Variants in KHNYN observed in about 807,000 individuals in gnomAD.
KHNYN encodes the protein protein KHNYN.
In KHNYN, 42 loss-of-function variants were observed where a neutral mutation model predicts 62.7. That is an observed-to-expected ratio of 0.67 (90% CI 0.52 to 0.87). The LOEUF (loss-of-function observed/expected upper bound fraction) is 0.87, where lower values mean the gene tolerates loss of function less well. Ranked by LOEUF, KHNYN falls within the 40% of genes least tolerant of loss-of-function variation. KHNYN has a pLI of 0.00. For synonymous variants in KHNYN, 347 were observed against 345.6 expected (o/e 1.00, Z -0.04); for missense variants, 829 against 874.1 (o/e 0.95, Z 0.65).
intron 5 of KHNYN, among the ~76,000 whole-genome samples, chr14:24,435,026 G>T (rs922449217): frequency 2.0e-5 from 3 of 152,164 alleles, no homozygotes; most frequent in Admixed American, 2.0e-4. Context: ...GGGATGGGTT[G>T]GATCTCTGTT....
In KHNYN at chr14:24,440,838, C is replaced by G. The variant is rs2043314053; in HGVS notation, c.*3553C>G. Reference sequence around the variant, plus strand: ...CTCCAGGAAGCCTGGCTGCAGCTTCCCATTTGGTTACGAGGTTGGAGAAAA... The same window carrying G: ...CTCCAGGAAGCCTGGCTGCAGCTTCGCATTTGGTTACGAGGTTGGAGAAAA... On this transcript the variant is annotated 3_prime_UTR_variant, in exon 8 of 8. Transcript: ENST00000553935. 6.2e-7 allele frequency: 1 copy of G among 1,613,776 alleles called. No individual in the cohort carries two copies. Among genetic ancestry groups the G allele is most frequent in the Admixed American group, 1.7e-5 (1 of 60,012 alleles).
upstream of KHNYN, chr14:24,428,693 C>T (rs906741953): frequency 6.7e-7 from 1 of 1,501,328 alleles, no homozygotes. Context: ...TGGGCTTGGA[C>T]AGTTGCTTCC....
At chr14:24,427,849 C>T (rs2043035141), upstream of KHNYN, 1 of 1,614,092 alleles carries the variant, frequency 6.2e-7, no homozygotes, top group East Asian at 2.2e-5. The surrounding 1 kb of genome is among the most constrained non-coding windows in gnomAD (Gnocchi z 4.4). Context: ...CCAGTAGATT[C>T]CCCCGACGCA....
chr14:24,429,038 G>A (rs965025431), upstream of KHNYN: 9 of 1,512,842 alleles, frequency 5.9e-6, no homozygotes, highest in Admixed American at 1.5e-4. Flanking sequence ...TAGCCAGTGT[G>A]GCTTGGCTCC....
Position 24,440,198 on chromosome 14 carries a change from T to C in KHNYN, c.*2913T>C. 1 of 1,613,990 alleles carries C rather than the reference T, an allele frequency of 6.2e-7. No homozygotes were observed. Among genetic ancestry groups the C allele is most frequent in the South Asian group, 1.1e-5 (1 of 91,082 alleles). ...GCCCTCCAGCAGCATGATGGCACGC[T>C]GTCGCCCAAAGACAGCTTGCACCAC... On this transcript the variant is annotated 3_prime_UTR_variant, in exon 8 of 8. Coordinates refer to ENST00000553935, the MANE Select transcript of KHNYN (RefSeq NM_015299.3).
rs2043309568 is a variant in KHNYN, at chr14:24,440,737, A to G, written c.*3452A>G. ...CCTAATCCCATCACTTCCCCAGCCCAGAGAAGACATTCCAACCCTGTCTGA... is the reference window on the plus strand; with the variant it reads ...CCTAATCCCATCACTTCCCCAGCCCGGAGAAGACATTCCAACCCTGTCTGA... On this transcript the variant is annotated 3_prime_UTR_variant, in exon 8 of 8. Transcript: ENST00000553935. The G allele has an allele frequency of 6.2e-7, 1 of 1,600,556 alleles. No individual in the cohort carries two copies. The highest frequency in any genetic ancestry group is 1.3e-5 in the African/African-American group (1 of 74,478).
At chr14:24,424,847 G>A (rs186394332), upstream of KHNYN, among the ~76,000 whole-genome samples, 25 of 152,328 alleles carry the variant, frequency 1.6e-4, no homozygotes, top group Non-Finnish European at 2.4e-4. Context: ...GTGAAACCCT[G>A]AGCAGAGAAG....
Position 24,437,682 on chromosome 14 carries a change from G to T in KHNYN, c.*397G>T. 1 of 179,734 alleles carries T rather than the reference G, an allele frequency of 5.6e-6. No homozygotes were observed. 11.1% of individuals were successfully genotyped at this position (179,734 alleles called of 1,614,324 possible). On this transcript the variant is annotated 3_prime_UTR_variant, in exon 8 of 8. Coordinates refer to ENST00000553935, the MANE Select transcript of KHNYN (RefSeq NM_015299.3). This position sits in a 1 kb window ranked among gnomAD's most constrained non-coding sequence, Gnocchi z 5.5. ...CCCTGGCTGCTGCTCTGGATGGCCA[G>T]AGAACAAGATGCTCCCTTGCTGAGC...
At chr14:24,429,786 C>T (rs997731914), upstream of KHNYN, 1 of 1,083,664 alleles carries the variant, frequency 9.2e-7, no homozygotes, top group Non-Finnish European at 1.1e-6. Context: ...GGGAGACAGA[C>T]GGGAGGGCTG....
chr14:24,436,262 AC>A, intron 6 of KHNYN, 83 bp downstream of exon 6: 1 of 1,457,626 alleles, frequency 6.9e-7, no homozygotes, highest in Non-Finnish European at 9.6e-7. Context: ...TGGGGTGAAA[AC>A]TCTGGGAAGG....
chr14:24,441,562 G>A lies in KHNYN; in HGVS notation c.*4277G>A. 1.2e-6 allele frequency: 1 copy of A among 862,566 alleles called. No homozygotes were observed. The highest frequency in any genetic ancestry group is 1.7e-6 in the Non-Finnish European group (1 of 573,982). The allele number at this position is 862,566 out of a possible 1,614,324, so 53.4% of individuals were successfully genotyped here. A position where few individuals can be genotyped will look rare whatever the true frequency, so the allele number is the denominator to read the frequency against. ...AAACATGCATGGATCAAGGGCCTAG[G>A]AAGTCATTTTGCCTGGAAAAGACCA... On this transcript the variant is annotated 3_prime_UTR_variant, in exon 8 of 8. Transcript: ENST00000553935.
upstream of KHNYN, among the ~76,000 whole-genome samples, chr14:24,424,435 T>A (rs545934807): frequency 1.6e-3 from 249 of 152,332 alleles, no homozygotes; most frequent in Middle Eastern, 3.4e-3. Flanking sequence ...CATCTTTGAG[T>A]TTAGTGACTC....
In KHNYN at chr14:24,440,138, C is replaced by G. The variant is rs780275259; in HGVS notation, c.*2853C>G. 2 of 1,613,128 alleles carry G rather than the reference C, an allele frequency of 1.2e-6. No individual in the cohort carries two copies. Among genetic ancestry groups the G allele is most frequent in the South Asian group, 2.2e-5 (2 of 90,956 alleles). On this transcript the variant is annotated 3_prime_UTR_variant, in exon 8 of 8. Coordinates refer to ENST00000553935, the MANE Select transcript of KHNYN (RefSeq NM_015299.3). ...TAGCTCTGGGAAGGAATACTGGTAG[C>G]CAGTGGCCAGTGTTCGCTGTGGGAT...
Position 24,440,344 on chromosome 14 carries a change from T to C in KHNYN, c.*3059T>C, listed in dbSNP as rs750333767. On this transcript the variant is annotated 3_prime_UTR_variant, in exon 8 of 8. Transcript: ENST00000553935. ...TCAGGACCCCGTGCACGTGGTTTGC[T>C]TCAAGGGCATGGGTCAGGATTCCTG... 6.2e-7 allele frequency: 1 copy of C among 1,614,020 alleles called. No homozygotes were observed. Among genetic ancestry groups the C allele is most frequent in the Admixed American group, 1.7e-5 (1 of 60,030 alleles).
chr14:24,429,738 G>A (rs762458797), upstream of KHNYN: 27 of 985,324 alleles, frequency 2.7e-5, no homozygotes, highest in South Asian at 4.7e-5. Context: ...CCCTTTCCGA[G>A]AAGTAACTGC....
In KHNYN at chr14:24,432,426, C is replaced by T. The variant is rs1409203250; in HGVS notation, c.1165C>T (p.Gln389Ter). 6.2e-7 allele frequency: 1 copy of T among 1,613,460 alleles called. No homozygotes were observed. The highest frequency in any genetic ancestry group is 8.5e-7 in the Non-Finnish European group (1 of 1,179,776). Residue 389 changes from glutamine (Q) to a stop codon, truncating the protein, a stop_gained, in exon 3 of 8, where the codon CAG becomes TAG. Coordinates refer to ENST00000553935, the MANE Select transcript of KHNYN (RefSeq NM_015299.3). LOFTEE classifies it high-confidence loss of function. The surrounding 1 kb of genome is among the most constrained non-coding windows in gnomAD (Gnocchi z 5.6). ...RGDVGDRGDK[Q>*]QGMARGRGPQ... is the part of the protein sequence containing the mutation. ...AGACGTGGGGGACAGGGGAGACAAG[C>T]AGCAGGGCATGGCACGGGGTCGGGG...
chr14:24,439,834 GGGC>G lies in KHNYN; in HGVS notation c.*2550_*2552del. 4.4e-6 allele frequency: 2 copies of G among 450,166 alleles called. No homozygotes were observed. The highest frequency in any genetic ancestry group is 3.9e-5 in the Admixed American group (1 of 25,566). 27.9% of individuals were successfully genotyped at this position (450,166 alleles called of 1,614,324 possible). ...CTCTACACAGCGTAAAGGAGAAGTG[GGGC>G]AGCTGCAGGACATGTAGAGAAACCA... On this transcript the variant is annotated 3_prime_UTR_variant, in exon 8 of 8. Transcript: ENST00000553935.
intron 1 of KHNYN, 32 bp downstream of exon 1, chr14:24,430,151 G>A: frequency 2.0e-6 from 2 of 982,998 alleles, no homozygotes; most frequent in Non-Finnish European, 2.4e-6. Context: ...GCCCGGGAGC[G>A]GGGAGCGGGG....
Position 24,431,494 on chromosome 14 carries a change from T to G in KHNYN, c.233T>G (p.Leu78Arg). Residue 78 changes from leucine (L) to arginine (R), a missense_variant, in exon 3 of 8, where the codon CTG becomes CGG. Transcript: ENST00000553935. Reference protein sequence around the residue: ...EYLKGLCSPELQDEIHYPPKL... With the variant: ...EYLKGLCSPERQDEIHYPPKL... ...CTGAAGGGCCTCTGCAGCCCAGAAC[T>G]GCAGGATGAAATCCACTACCCGCCC... The G allele has an allele frequency of 6.3e-7, 1 of 1,593,364 alleles. No individual in the cohort carries two copies. Among genetic ancestry groups the G allele is most frequent in the Non-Finnish European group, 8.6e-7 (1 of 1,164,574 alleles).
Sources: allele counts gnomAD v4.1 joint callset (sites outside exome capture counted in the v4.1 genomes callset), GRCh38; gene constraint gnomAD v4.1.1; non-coding constraint Gnocchi (gnomAD v3.1); transcripts MANE v1.5; gene names NCBI Gene and HGNC (gene_info 2026-07-23, HGNC 2026-07-21).